Variants in AGBL1 observed in about 807,000 individuals in gnomAD.
The protein encoded by AGBL1 is cytosolic carboxypeptidase 4.
AGBL1 carries 130 observed loss-of-function variants against 118.9 expected under a neutral mutation model. The observed-to-expected ratio is 1.09, with a 90% CI of 0.95 to 1.26. AGBL1 has a LOEUF of 1.26. AGBL1 is among the 50% of genes most tolerant of loss of function. AGBL1 has a pLI of 0.00. For synonymous variants in AGBL1, 555 were observed against 478.9 expected, an observed-to-expected ratio of 1.16 and a Z score of -2.08; for missense variants, 1,584 against 1,298.1, an observed-to-expected ratio of 1.22 and a Z score of -3.38.
At chr15:87,025,652 A>G (rs537921256) in intron 24 of AGBL1, among the ~76,000 whole-genome samples, 1 of 152,214 alleles carries the variant, frequency 6.6e-6, no homozygotes, top group Admixed American at 6.6e-5. Flanking sequence ...AAAAAATTCT[A>G]AAATTCATAT....
intron 22 of AGBL1, among the ~76,000 whole-genome samples, chr15:86,688,541 A>C (rs1054830976): frequency 6.6e-6 from 1 of 152,160 alleles, no homozygotes; most frequent in African/African-American, 2.4e-5. Context: ...AGTCTCCCGA[A>C]TATACGCAAG....
chr15:86,994,275 GA>G (rs1483642812), intron 24 of AGBL1, among the ~76,000 whole-genome samples: 2 of 151,886 alleles, frequency 1.3e-5, no homozygotes, highest in African/African-American at 4.8e-5. Flanking sequence ...GAACAACTTT[GA>G]AAAGCCTAAA....
intron 23 of AGBL1, among the ~76,000 whole-genome samples, chr15:86,957,186 T>C (rs1313316848): frequency 1.3e-5 from 2 of 152,106 alleles, no homozygotes; most frequent in African/African-American, 4.8e-5. Context: ...TAATCTATTT[T>C]TATATATTTT....
chr15:86,089,321 C>T (rs74724762), intron 1 of AGBL1, among the ~76,000 whole-genome samples: 2,030 of 152,254 alleles, frequency 0.013, 29 homozygotes, highest in South Asian at 0.075. Flanking sequence ...TGGTGAATAC[C>T]ACCAGCTAAT....
intron 22 of AGBL1, among the ~76,000 whole-genome samples, chr15:86,852,463 A>G (rs1187400229): frequency 1.3e-5 from 2 of 152,100 alleles, no homozygotes; most frequent in South Asian, 2.1e-4. Flanking sequence ...AGTCTCCTAA[A>G]TCACTTTACG....
At chr15:86,681,646 A>T (rs1202625351) in intron 22 of AGBL1, among the ~76,000 whole-genome samples, 1 of 152,196 alleles carries the variant, frequency 6.6e-6, no homozygotes, top group Non-Finnish European at 1.5e-5. Flanking sequence ...CTCTATCATG[A>T]CTTACAATTA....
At chr15:86,167,397 C>A (rs996714053) in intron 5 of AGBL1, among the ~76,000 whole-genome samples, 1 of 152,084 alleles carries the variant, frequency 6.6e-6, no homozygotes, top group East Asian at 1.9e-4. Flanking sequence ...AGGTGCCCAC[C>A]ATCATGCCCA....
intron 17 of AGBL1, among the ~76,000 whole-genome samples, chr15:86,339,209 A>G (rs2080421848): frequency 6.6e-6 from 1 of 152,130 alleles, no homozygotes. Flanking sequence ...TTGATGAGAG[A>G]TACACTACCA....
chr15:86,694,770 G>A (rs1381819569), intron 22 of AGBL1, among the ~76,000 whole-genome samples: 1 of 151,842 alleles, frequency 6.6e-6, no homozygotes, highest in Non-Finnish European at 1.5e-5. Context: ...TATGTCCCTT[G>A]TATGCCAATT....
At chr15:86,440,155 A>G (rs1943989940) in intron 18 of AGBL1, among the ~76,000 whole-genome samples, 1 of 152,248 alleles carries the variant, frequency 6.6e-6, no homozygotes, top group Non-Finnish European at 1.5e-5. Context: ...AGGCTGAATA[A>G]TAATGAAAGA....
At chr15:86,195,077 A>G (rs2077780482) in intron 5 of AGBL1, among the ~76,000 whole-genome samples, 1 of 152,082 alleles carries the variant, frequency 6.6e-6, no homozygotes, top group Admixed American at 6.6e-5. Flanking sequence ...TCATGTATTC[A>G]CTTTTTCATC....
chr15:86,857,345 T>C (rs2079497555), intron 22 of AGBL1, among the ~76,000 whole-genome samples: 4 of 152,168 alleles, frequency 2.6e-5, no homozygotes, highest in African/African-American at 7.2e-5. Context: ...CCATGATCTT[T>C]CTCATGGCCT....
intron 15 of AGBL1, among the ~76,000 whole-genome samples, chr15:86,275,102 T>G (rs1317599935): frequency 1.3e-5 from 2 of 152,218 alleles, no homozygotes; most frequent in Non-Finnish European, 1.5e-5. Context: ...GTCTGCTTCT[T>G]CCTCTGATGT....
At chr15:86,783,818 A>T (rs1431100518) in intron 22 of AGBL1, among the ~76,000 whole-genome samples, 6 of 148,432 alleles carry the variant, frequency 4.0e-5, no homozygotes, top group Middle Eastern at 3.5e-3. Context: ...TTTAGTAGAG[A>T]TGGGGTTTCA....
At chr15:86,682,527 T>G (rs1212864484) in intron 22 of AGBL1, among the ~76,000 whole-genome samples, 2 of 152,146 alleles carry the variant, frequency 1.3e-5, no homozygotes, top group Non-Finnish European at 2.9e-5. Context: ...GGAGAGCAAT[T>G]TGGCAGTTTG....
chr15:86,488,034 T>A (rs894399862), intron 18 of AGBL1, among the ~76,000 whole-genome samples: 4 of 152,168 alleles, frequency 2.6e-5, no homozygotes, highest in South Asian at 2.1e-4. Context: ...CATTAACTCA[T>A]CCTGAACTTT....
chr15:86,316,218 A>G (rs12916598), intron 17 of AGBL1, among the ~76,000 whole-genome samples: 106,005 of 152,116 alleles, frequency 0.7, 37,408 homozygotes, highest in Middle Eastern at 0.74. Flanking sequence ...GAAGTGTCCT[A>G]TCTTAATGAC....
At position 86,915,016 on chromosome 15, in the gene AGBL1, T is replaced by C. The variant is rs1030203045; in HGVS notation, c.*7722T>C. On this transcript the variant is annotated 3_prime_UTR_variant, in exon 23 of 23. Transcript: ENST00000614907. ...TATGCCGATAGTAAACCGGCGTTGTTTGATTTATTTGTGTGCCAGATGCAG... is the reference window on the plus strand; with the variant it reads ...TATGCCGATAGTAAACCGGCGTTGTCTGATTTATTTGTGTGCCAGATGCAG... 2.0e-5 allele frequency: 3 copies of C among 152,204 alleles called. No individual in the cohort carries two copies. Among genetic ancestry groups the C allele is most frequent in the African/African-American group, 7.2e-5 (3 of 41,456 alleles). The allele number at this position is 152,204 out of a possible 1,614,324, so 9.4% of individuals were successfully genotyped here.
chr15:86,244,471 T>C (rs897109391), intron 6 of AGBL1, among the ~76,000 whole-genome samples: 2 of 152,176 alleles, frequency 1.3e-5, no homozygotes, highest in African/African-American at 4.8e-5. Flanking sequence ...ACGTATTGAC[T>C]TTTGCACAAC....
Sources: allele counts gnomAD v4.1 joint callset (sites outside exome capture counted in the v4.1 genomes callset), GRCh38; gene constraint gnomAD v4.1.1; transcripts MANE v1.5; gene names NCBI Gene and HGNC (gene_info 2026-07-23, HGNC 2026-07-21).